The following AMELX variants were observed in gnomAD, a reference collection of about 807,000 sequenced individuals.
AMELX encodes amelogenin, X isoform.
A neutral mutation model predicts 15.8 loss-of-function variants in AMELX; 9 were observed. The observed-to-expected ratio is 0.57, with a 90% confidence interval of 0.34 to 0.99. The LOEUF (loss-of-function observed/expected upper bound fraction) is 0.99, where lower values mean the gene tolerates loss of function less well. Ranked by LOEUF, AMELX falls within the 50% of genes least tolerant of loss-of-function variation. The probability of loss-of-function intolerance (pLI) is 0.02; values close to 1 mark genes in which losing one functional copy is unlikely to be tolerated. For missense variants in AMELX, 107 were observed against 156.2 expected, an observed-to-expected ratio of 0.68 and a Z score of 1.68; for synonymous variants, 61 against 58.8, an observed-to-expected ratio of 1.04 and a Z score of -0.17.
Position 11,300,650 on chromosome X carries a change from G to A in AMELX, c.*38G>A, listed in dbSNP as rs200715488. On this transcript the variant is annotated 3_prime_UTR_variant, in exon 6 of 6. Transcript: ENST00000380714. ...TGAGAGGGGAATGAATACTTCAGAT[G>A]CTTTCAGGAGTGACACAAGAACACA... The A allele has an allele frequency of 1.5e-3, 1,712 of 1,159,879 alleles. 2 individuals are homozygous for A. Among genetic ancestry groups the A allele is most frequent in the Non-Finnish European group, 1.8e-3 (1,574 of 854,003 alleles).
the AMELX span, among the ~76,000 whole-genome samples, chrX:11,308,224 C>T: frequency 8.9e-6 from 1 of 112,022 alleles, no homozygotes; most frequent in African/African-American, 3.2e-5. Flanking sequence ...TTCAAAGCAG[C>T]TTTTACTTGT....
At chrX:11,303,409 G>A (rs182887272), downstream of AMELX, among the ~76,000 whole-genome samples, 12 of 112,008 alleles carry the variant, frequency 1.1e-4, no homozygotes, top group Non-Finnish European at 2.3e-4. Context: ...AGATTGGGCT[G>A]GGAGTGGTGA....
At chrX:11,306,063 G>A in the AMELX span, among the ~76,000 whole-genome samples, 13 of 111,365 alleles carry the variant, frequency 1.2e-4, no homozygotes, top group Non-Finnish European at 2.3e-4. Context: ...AGCCATCAGT[G>A]ACCCTCACCT....
the AMELX span, among the ~76,000 whole-genome samples, chrX:11,308,883 G>T: frequency 2.7e-5 from 3 of 112,173 alleles, no homozygotes; most frequent in Non-Finnish European, 5.6e-5. Flanking sequence ...TCCTTACTAT[G>T]ATTTGCTCTG....
Position 11,296,409 on chromosome X carries a change from G to T in AMELX, c.55-370G>T, listed in dbSNP as rs931613111. ...GTTTTATCAGCAAGTAAACTGTTGG[G>T]CAGGATAGGGTAGGATTCATTGAAA... On this transcript the variant is annotated intron_variant, in intron 2 of 5. Coordinates refer to ENST00000380714, the MANE Select transcript of AMELX (RefSeq NM_001142.2). Among the ~76,000 whole-genome samples the T allele has an allele frequency of 2.7e-5, 3 of 111,503 alleles. No homozygotes were observed. In the Admixed American group the frequency reaches 2.8e-4, roughly 11 times the overall value.
At chrX:11,302,912 TAC>T (rs2048189656), downstream of AMELX, among the ~76,000 whole-genome samples, 1 of 111,944 alleles carries the variant, frequency 8.9e-6, no homozygotes, top group South Asian at 3.7e-4. Context: ...AAAATAAAAA[TAC>T]AGACTTTTCT....
intron 2 of AMELX, among the ~76,000 whole-genome samples, chrX:11,295,952 C>T (rs1004273957): frequency 1.2e-4 from 13 of 112,170 alleles, no homozygotes; most frequent in Admixed American, 2.8e-4. Flanking sequence ...ACAATACAGG[C>T]ACCAGACACT....
Position 11,298,241 on chromosome X carries a change from T to G in AMELX, c.108T>G (p.Leu36=). 8.3e-7 allele frequency: 1 copy of G among 1,211,557 alleles called. No homozygotes were observed. Among genetic ancestry groups the G allele is most frequent in the Non-Finnish European group, 1.1e-6 (1 of 895,190 alleles). The change falls in exon 4 of 6, where the codon CTT becomes CTG. Residue 36 remains leucine, a synonymous_variant. Coordinates refer to ENST00000380714, the MANE Select transcript of AMELX (RefSeq NM_001142.2). The stretch of plus-strand genomic sequence containing the variant: ...TAATATCTTTTTCTCTTAAGGTGCT[T>G]ACCCCTTTGAAGTGGTACCAGAGCA... The part of the protein sequence containing the change: ...PGYINFSYEV[L]TPLKWYQSIR...
chrX:11,304,022 G>A (rs1478376535), downstream of AMELX, among the ~76,000 whole-genome samples: 1 of 111,679 alleles, frequency 9.0e-6, no homozygotes, highest in African/African-American at 3.3e-5. Flanking sequence ...CCAGTTGGAA[G>A]CAGGAGTGAT....
At chrX:11,307,702 C>A in the AMELX span, among the ~76,000 whole-genome samples, 414 of 112,304 alleles carry the variant, frequency 3.7e-3, 1 homozygote, top group Middle Eastern at 0.014. Context: ...TTAAACATTG[C>A]TAAAATGTGC....
At chrX:11,295,989 A>G (rs758061773) in intron 2 of AMELX, among the ~76,000 whole-genome samples, 9 of 112,290 alleles carry the variant, frequency 8.0e-5, no homozygotes, top group Non-Finnish European at 1.5e-4. Context: ...GAGGACAGAC[A>G]GTCCTGATTC....
chrX:11,300,979 T>G (rs1449970133), downstream of AMELX, among the ~76,000 whole-genome samples: 1 of 111,995 alleles, frequency 8.9e-6, no homozygotes, highest in African/African-American at 3.2e-5. Context: ...GTTAAAACAG[T>G]TGATAAAATG....
the AMELX span, among the ~76,000 whole-genome samples, chrX:11,308,179 A>G: frequency 6.2e-5 from 7 of 112,268 alleles, no homozygotes; most frequent in African/African-American, 1.9e-4. Context: ...TTAACACACA[A>G]TTCACCAAAT....
At chrX:11,294,884 C>T in intron 2 of AMELX, 42 bp downstream of exon 2, 3 of 1,180,512 alleles carry the variant, frequency 2.5e-6, no homozygotes, top group Non-Finnish European at 3.5e-6. Flanking sequence ...TCCAATTTCA[C>T]AAACTTGGAC....
rs778441921 is a variant in AMELX, at chrX:11,298,625, C to G, written c.222C>G (p.Pro74=). Reference sequence around the variant, plus strand: ...TCCCCGTGCTGTCCCAACAGCACCCCCCGACTCACACCCTGCAGCCTCATC... The same window carrying G: ...TCCCCGTGCTGTCCCAACAGCACCCGCCGACTCACACCCTGCAGCCTCATC... ...QIIPVLSQQH[P]PTHTLQPHHH... is the part of the protein sequence containing the mutation. The change falls in exon 5 of 6, where the codon CCC becomes CCG. Residue 74 remains proline (P), a synonymous_variant. Transcript: ENST00000380714. The G allele has an allele frequency of 8.3e-7, 1 of 1,208,361 alleles. No individual in the cohort carries two copies. The highest frequency in any genetic ancestry group is 1.8e-5 in the African/African-American group (1 of 56,525).
chrX:11,293,535 T>C (rs1026424256), intron 1 of AMELX, 67 bp downstream of exon 1: 8 of 112,165 alleles, frequency 7.1e-5, no homozygotes, highest in African/African-American at 9.7e-5. Context: ...TGCATTTCTT[T>C]TAAAAGATAT....
At position 11,298,638 on chromosome X, in the gene AMELX, C is replaced by A; in HGVS notation, c.235C>A (p.Leu79Met). The A allele has an allele frequency of 8.3e-7, 1 of 1,211,436 alleles. No homozygotes were observed. The highest frequency in any genetic ancestry group is 1.1e-6 in the Non-Finnish European group (1 of 895,464). The change falls in exon 5 of 6, where the codon CTG becomes ATG. Residue 79 changes from leucine to methionine, a missense_variant. Leu to Met is a conservative substitution (Grantham distance 15). Transcript: ENST00000380714. ...LSQQHPPTHT[L>M]QPHHHIPVVP... is the part of the protein sequence containing the mutation. ...CCAACAGCACCCCCCGACTCACACC[C>A]TGCAGCCTCATCACCACATCCCAGT...
chrX:11,308,424 A>T, the AMELX span, among the ~76,000 whole-genome samples: 1 of 111,619 alleles, frequency 9.0e-6, no homozygotes, highest in African/African-American at 3.3e-5. Context: ...AACAAAACCA[A>T]AGTTTTCTGA....
the AMELX span, among the ~76,000 whole-genome samples, chrX:11,309,254 G>T: frequency 9.0e-6 from 1 of 111,656 alleles, no homozygotes; most frequent in Admixed American, 9.5e-5. Flanking sequence ...CCTCTCCAGG[G>T]TTCTTACACC....
Sources: gnomAD v4.1 joint callset for allele counts (sites outside exome capture counted in the v4.1 genomes callset) on GRCh38, gnomAD v4.1.1 for gene constraint, MANE v1.5 for transcripts, NCBI Gene and HGNC (gene_info 2026-07-23, HGNC 2026-07-21) for gene names.